The following NIPBL variants were observed in gnomAD, a reference collection of about 807,000 sequenced individuals.
NIPBL encodes the protein nipped-B-like protein.
In NIPBL, 19 loss-of-function variants were observed where a neutral mutation model predicts 321.8. The ratio of observed to expected loss-of-function variants is 0.06; its 90% CI spans 0.04 to 0.09. The LOEUF (loss-of-function observed/expected upper bound fraction) is 0.09. Ranked by LOEUF, NIPBL falls within the 10% of genes least tolerant of loss-of-function variation. NIPBL has a pLI of 1.00. For missense variants in NIPBL, 2,210 were observed against 3,327.0 expected, an observed-to-expected ratio of 0.66 and a Z score of 8.26; for synonymous variants, 1,106 against 1,114.1, an observed-to-expected ratio of 0.99 and a Z score of 0.14.
chr5:36,894,191 T>C (rs540157409), intron 1 of NIPBL, among the ~76,000 whole-genome samples: 153 of 152,268 alleles, frequency 1.0e-3, no homozygotes, highest in Middle Eastern at 3.4e-3. Flanking sequence ...GTGACATTTC[T>C]AATGGATTAT....
chr5:37,038,634 T>C lies in NIPBL; in HGVS notation c.6004T>C (p.Leu2002=), dbSNP rs921565619. The change falls in exon 34 of 47, where the codon TTG becomes CTG. Residue 2002 remains leucine, a synonymous_variant. Coordinates refer to ENST00000282516, the MANE Select transcript of NIPBL (RefSeq NM_133433.4). ...CAATAAAGGTGTGAATTCTGGAAGATTGGTAGCTTGCATAACCACTTTGTT... is the reference window on the plus strand; with the variant it reads ...CAATAAAGGTGTGAATTCTGGAAGACTGGTAGCTTGCATAACCACTTTGTT... ...SDNKGVNSGR[L]VACITTLFLF... 3.1e-6 allele frequency: 5 copies of C among 1,613,842 alleles called. No individual in the cohort carries two copies. The highest frequency in any genetic ancestry group is 1.7e-5 in the Admixed American group (1 of 60,016).
rs1750261492 is a variant in NIPBL at position 37,026,324 on chromosome 5, T to C, written c.5805T>C (p.Asp1935=). 2 of 1,590,400 alleles carry C rather than the reference T, an allele frequency of 1.3e-6. No individual in the cohort carries two copies. Among genetic ancestry groups the C allele is most frequent in the Admixed American group, 1.7e-5 (1 of 59,798 alleles). The change falls in exon 31 of 47, where the codon GAT becomes GAC. Residue 1935 remains aspartate (D), a synonymous_variant. Transcript: ENST00000282516. ...AMTRKILNIT[D]VVAACRDTGY... ...CAAGGAAAATTTTAAACATTACCGA[T>C]GTGGTAAGAAGGACTGGAACAAGGG...
At chr5:36,959,615 T>C (rs1465752570) in intron 4 of NIPBL, among the ~76,000 whole-genome samples, 5 of 152,172 alleles carry the variant, frequency 3.3e-5, no homozygotes, top group African/African-American at 1.2e-4. Context: ...GAAAGACTAA[T>C]AGAGTAGGAG....
intron 45 of NIPBL, among the ~76,000 whole-genome samples, chr5:37,063,516 T>C (rs1755028974): frequency 6.6e-6 from 1 of 152,242 alleles, no homozygotes; most frequent in Non-Finnish European, 1.5e-5. Flanking sequence ...CAAAGTTTTA[T>C]TGAAAACATT....
At chr5:36,957,402 C>T (rs1741088058) in intron 3 of NIPBL, among the ~76,000 whole-genome samples, 1 of 152,152 alleles carries the variant, frequency 6.6e-6, no homozygotes, top group African/African-American at 2.4e-5. Flanking sequence ...CAGACTCACT[C>T]ATATTCAGGT....
At chr5:36,925,330 G>A (rs565818882) in intron 1 of NIPBL, among the ~76,000 whole-genome samples, 4 of 150,512 alleles carry the variant, frequency 2.7e-5, no homozygotes, top group South Asian at 2.1e-4. Context: ...GTGCAATGGC[G>A]TGATCTCGGC....
chr5:36,959,708 A>G (rs296957), intron 4 of NIPBL, among the ~76,000 whole-genome samples: 2 of 152,318 alleles, frequency 1.3e-5, no homozygotes, highest in East Asian at 1.9e-4. Flanking sequence ...TGCAACTTAC[A>G]TTTTTGAGTA....
rs372453541 is a variant in NIPBL at position 36,985,660 on chromosome 5, G to A, written c.2480G>A (p.Arg827Lys). ...DHDNKQKSDDRGESERHRGDQ... is the reference protein window; with the variant it reads ...DHDNKQKSDDKGESERHRGDQ... Reference sequence around the variant, plus strand: ...GATAATAAACAAAAATCAGATGACAGGGGTGAATCAGAGCGACATCGAGGG... The same window carrying A: ...GATAATAAACAAAAATCAGATGACAAGGGTGAATCAGAGCGACATCGAGGG... Residue 827 changes from arginine (R) to lysine (K), a missense_variant, in exon 10 of 47, where the codon AGG (arginine) becomes AAG (lysine). Around this residue, in one of 14 missense-constraint regions of NIPBL, gnomAD observed 588 missense variants for 564.1 expected, o/e 1.04. Transcript: ENST00000282516. The A allele has an allele frequency of 9.9e-6, 16 of 1,613,872 alleles. No individual in the cohort carries two copies. The African/African-American group carries it at 1.9e-4, about 19-fold the overall frequency.
Position 37,010,166 on chromosome 5 carries a change from G to A in NIPBL, c.4501G>A (p.Val1501Met). The change falls in exon 21 of 47, where the codon GTG (valine) becomes ATG (methionine). Residue 1501 changes from valine to methionine, a missense_variant. Val to Met is a conservative substitution (Grantham distance 21, BLOSUM62 1). Transcript: ENST00000282516. The part of the protein sequence containing the change: ...TALVLQLIQC[V>M]VHLPSSEKDS... Reference sequence around the variant, plus strand: ...ACTGGTTTTACAACTTATTCAGTGTGTGGTACACTTACCATCATCAGAGAA... The same window carrying A: ...ACTGGTTTTACAACTTATTCAGTGTATGGTACACTTACCATCATCAGAGAA... 1 of 1,610,172 alleles carries A rather than the reference G, an allele frequency of 6.2e-7. No individual in the cohort carries two copies. The highest frequency in any genetic ancestry group is 8.5e-7 in the Non-Finnish European group (1 of 1,176,566).
At chr5:36,944,105 G>A (rs1438772331) in intron 1 of NIPBL, among the ~76,000 whole-genome samples, 2 of 152,022 alleles carry the variant, frequency 1.3e-5, no homozygotes, top group African/African-American at 4.8e-5. Flanking sequence ...AGATCATAGG[G>A]GTCAAGATAA....
chr5:36,893,344 G>A (rs1328887294), intron 1 of NIPBL, among the ~76,000 whole-genome samples: 1 of 152,212 alleles, frequency 6.6e-6, no homozygotes, highest in Non-Finnish European at 1.5e-5. Flanking sequence ...TTATAAAGCA[G>A]TCAAACTGAT....
chr5:36,877,650 A>G lies in NIPBL; in HGVS notation c.-80+472A>G, dbSNP rs191848215. On this transcript the variant is annotated intron_variant, in intron 1 of 46. Coordinates refer to ENST00000282516, the MANE Select transcript of NIPBL (RefSeq NM_133433.4). ...AGTGGGGAACGTCCCAGTGAAACAAACAACCTCCCTTCTTCCCCCTGTGAC... is the reference window on the plus strand; with the variant it reads ...AGTGGGGAACGTCCCAGTGAAACAAGCAACCTCCCTTCTTCCCCCTGTGAC... Among the ~76,000 whole-genome samples, 14 of 152,340 alleles carry G rather than the reference A, an allele frequency of 9.2e-5. No homozygotes were observed. The South Asian group carries it at 2.5e-3, about 27-fold the overall frequency.
intron 32 of NIPBL, among the ~76,000 whole-genome samples, chr5:37,035,436 T>A (rs1417019209): frequency 6.6e-6 from 1 of 152,240 alleles, no homozygotes; most frequent in Non-Finnish European, 1.5e-5. Context: ...TATGTTACTC[T>A]GGTTGCTGTC....
intron 10 of NIPBL, 38 bp downstream of exon 10, chr5:36,986,339 C>G (rs764461996): frequency 1.5e-6 from 2 of 1,311,930 alleles, no homozygotes; most frequent in Non-Finnish European, 1.0e-6. Flanking sequence ...ATAATATAAT[C>G]GATTTTAAGT....
intron 6 of NIPBL, among the ~76,000 whole-genome samples, chr5:36,963,614 C>T (rs989573524): frequency 6.7e-6 from 1 of 150,174 alleles, no homozygotes; most frequent in South Asian, 2.1e-4. Context: ...CCAGCCTGCG[C>T]AACATAGTGG....
chr5:36,898,086 G>A (rs1360955993), intron 1 of NIPBL, among the ~76,000 whole-genome samples: 1 of 152,072 alleles, frequency 6.6e-6, no homozygotes, highest in African/African-American at 2.4e-5. Flanking sequence ...AACCTAAAAT[G>A]TCAAACACAC....
At chr5:36,884,982 A>G (rs1295059318) in intron 1 of NIPBL, among the ~76,000 whole-genome samples, 7 of 152,190 alleles carry the variant, frequency 4.6e-5, no homozygotes, top group South Asian at 2.1e-4. Context: ...CTTAGGCAGT[A>G]TAATTGGAGT....
At chr5:36,886,843 A>G (rs1745946012) in intron 1 of NIPBL, among the ~76,000 whole-genome samples, 1 of 151,354 alleles carries the variant, frequency 6.6e-6, no homozygotes, top group Non-Finnish European at 1.5e-5. Context: ...CCTTTTCTAG[A>G]ACATAAAAAT....
intron 1 of NIPBL, among the ~76,000 whole-genome samples, chr5:36,942,635 G>C (rs1000899820): frequency 1.8e-4 from 27 of 151,058 alleles, no homozygotes; most frequent in Admixed American, 5.3e-4. Flanking sequence ...CAGCTACTTG[G>C]GGGGCTGAGG....
Sources: gnomAD v4.1 joint callset for allele counts (sites outside exome capture counted in the v4.1 genomes callset) on GRCh38, gnomAD v4.1.1 for gene constraint, gnomAD v4.1.1 regional missense constraint, MANE v1.5 for transcripts, NCBI Gene and HGNC (gene_info 2026-07-23, HGNC 2026-07-21) for gene names.